Variants in KCNU1 observed in about 807,000 individuals in gnomAD.
KCNU1 encodes the protein potassium channel subfamily U member 1.
A neutral mutation model predicts 126.8 loss-of-function variants in KCNU1; 93 were observed. The observed-to-expected ratio is 0.73, with a 90% CI of 0.62 to 0.87. The LOEUF is 0.87. Ranked by LOEUF, KCNU1 falls within the 40% of genes least tolerant of loss-of-function variation. The pLI, the probability that KCNU1 is intolerant of heterozygous loss-of-function variation, is 0.00. For missense variants in KCNU1, 1,330 were observed against 1,367.1 expected, an observed-to-expected ratio of 0.97 and a Z score of 0.43; for synonymous variants, 523 against 494.2, an observed-to-expected ratio of 1.06 and a Z score of -0.77.
intron 19 of KCNU1, among the ~76,000 whole-genome samples, chr8:36,901,277 G>A (rs1807408003): frequency 6.6e-6 from 1 of 152,082 alleles, no homozygotes; most frequent in Non-Finnish European, 1.5e-5. Flanking sequence ...CTTAATAGAA[G>A]TTTTCTTACA....
At chr8:36,883,717 GGAGGTC>G (rs1305450368) in intron 19 of KCNU1, among the ~76,000 whole-genome samples, 3 of 152,180 alleles carry the variant, frequency 2.0e-5, no homozygotes, top group African/African-American at 7.2e-5. Flanking sequence ...TTTGAGCCCA[GGAGGTC>G]GAGGCTGCAG....
chr8:36,804,477 T>C (rs927618139), intron 3 of KCNU1, among the ~76,000 whole-genome samples: 9 of 152,292 alleles, frequency 5.9e-5, no homozygotes, highest in Admixed American at 2.6e-4. Context: ...GGGTTTCTCA[T>C]AGGTTTCAAG....
chr8:36,867,613 A>C (rs16885526), intron 19 of KCNU1, among the ~76,000 whole-genome samples: 56,590 of 151,964 alleles, frequency 0.37, 10,861 homozygotes, highest in Admixed American at 0.43. Flanking sequence ...TTATTCTCTC[A>C]CACGTCTTCT....
At chr8:36,886,712 G>A (rs555245670) in intron 19 of KCNU1, among the ~76,000 whole-genome samples, 50 of 152,218 alleles carry the variant, frequency 3.3e-4, no homozygotes, top group Non-Finnish European at 4.9e-4. Context: ...GAATTGCATC[G>A]TGGTGAAGTC....
rs138741999 is a variant in KCNU1, at chr8:36,889,022, G to A, written c.2010-16686G>A. Reference sequence around the variant, plus strand: ...GTCTCTTCAGTAGCTGAGATTACAGGCATACACCACCATGCCCAGCTAATT... The same window carrying A: ...GTCTCTTCAGTAGCTGAGATTACAGACATACACCACCATGCCCAGCTAATT... On this transcript the variant is annotated intron_variant, in intron 19 of 26. Coordinates refer to ENST00000399881, the MANE Select transcript of KCNU1 (RefSeq NM_001031836.3). 1.6e-5 allele frequency: 7 copies of A among 443,136 alleles called. No individual in the cohort carries two copies. The East Asian group carries it at 4.5e-4, about 29-fold the overall frequency. 27.5% of individuals were successfully genotyped at this position (443,136 alleles called of 1,614,324 possible).
At chr8:36,821,003 C>T (rs1310811523) in intron 10 of KCNU1, among the ~76,000 whole-genome samples, 1 of 152,078 alleles carries the variant, frequency 6.6e-6, no homozygotes. Flanking sequence ...ATAGAAAATA[C>T]TCAACAGAAT....
intron 26 of KCNU1, among the ~76,000 whole-genome samples, chr8:36,934,492 C>A (rs1169998526): frequency 2.0e-5 from 3 of 152,010 alleles, no homozygotes; most frequent in East Asian, 1.9e-4. Context: ...CTCCCCCAAA[C>A]ACCTCTGTAC....
intron 2 of KCNU1, among the ~76,000 whole-genome samples, chr8:36,802,768 A>G (rs1478419303): frequency 6.6e-6 from 1 of 152,100 alleles, no homozygotes; most frequent in Non-Finnish European, 1.5e-5. Flanking sequence ...TTTATTTTCA[A>G]AGTATTTCAC....
At chr8:36,930,397 T>C (rs750389796) in intron 24 of KCNU1, among the ~76,000 whole-genome samples, 16 of 152,118 alleles carry the variant, frequency 1.1e-4, no homozygotes, top group Non-Finnish European at 2.2e-4. Context: ...CACCTATAAT[T>C]TCTAAAGTAT....
intron 18 of KCNU1, among the ~76,000 whole-genome samples, chr8:36,851,387 ATCTCTC>A (rs35502970): frequency 2.5e-5 from 3 of 120,064 alleles, no homozygotes; most frequent in East Asian, 4.2e-4. Context: ...CTCTCTCTCT[ATCTCTC>A]TCTCTCTCTC....
At chr8:36,856,991 C>T (rs143725777) in intron 18 of KCNU1, among the ~76,000 whole-genome samples, 1,626 of 152,300 alleles carry the variant, frequency 0.011, 11 homozygotes, top group Admixed American at 0.012. Context: ...TTCCTTTGGG[C>T]GGAGCTTCAG....
intron 9 of KCNU1, among the ~76,000 whole-genome samples, chr8:36,816,370 TA>T (rs977372279): frequency 1.3e-5 from 2 of 152,190 alleles, no homozygotes; most frequent in Non-Finnish European, 2.9e-5. Context: ...ATGGAGATCT[TA>T]AATTAGATGT....
intron 18 of KCNU1, among the ~76,000 whole-genome samples, chr8:36,859,588 T>A (rs1270503037): frequency 2.0e-5 from 3 of 152,218 alleles, no homozygotes; most frequent in Admixed American, 6.5e-5. Context: ...CTATGGCCCT[T>A]TTCAACTCTG....
At chr8:36,883,132 G>C (rs781183919) in intron 19 of KCNU1, among the ~76,000 whole-genome samples, 2 of 152,182 alleles carry the variant, frequency 1.3e-5, no homozygotes, top group Non-Finnish European at 2.9e-5. Flanking sequence ...AAATTCACCA[G>C]GCTGAACAAT....
chr8:36,866,353 G>A (rs1216182560), intron 19 of KCNU1, among the ~76,000 whole-genome samples: 6 of 152,092 alleles, frequency 3.9e-5, no homozygotes, highest in African/African-American at 7.2e-5. Flanking sequence ...CCAAAGGTGG[G>A]GTTGGAGTCA....
chr8:36,827,813 T>C (rs780106215), intron 10 of KCNU1, among the ~76,000 whole-genome samples: 49 of 152,158 alleles, frequency 3.2e-4, no homozygotes, highest in Non-Finnish European at 6.6e-4. Flanking sequence ...TCAGAGTATT[T>C]GAAAATATTG....
chr8:36,877,907 T>C (rs1806331515), intron 19 of KCNU1, among the ~76,000 whole-genome samples: 1 of 152,178 alleles, frequency 6.6e-6, no homozygotes, highest in South Asian at 2.1e-4. Flanking sequence ...TGTCCAAATA[T>C]GCATTATACT....
intron 21 of KCNU1, 43 bp downstream of exon 21, chr8:36,909,578 A>C: frequency 9.1e-7 from 1 of 1,099,822 alleles, no homozygotes; most frequent in Non-Finnish European, 1.4e-6. Context: ...TAAGGATTTC[A>C]ATATTAATAG....
intron 19 of KCNU1, among the ~76,000 whole-genome samples, chr8:36,882,775 G>A (rs1806536021): frequency 6.6e-6 from 1 of 152,022 alleles, no homozygotes; most frequent in African/African-American, 2.4e-5. Context: ...TAGAGATGGG[G>A]TTTCTCCATG....
Sources: gnomAD v4.1 joint callset for allele counts (sites outside exome capture counted in the v4.1 genomes callset) on GRCh38, gnomAD v4.1.1 for gene constraint, MANE v1.5 for transcripts, NCBI Gene and HGNC (gene_info 2026-07-23, HGNC 2026-07-21) for gene names.